The following STON2 variants were observed in gnomAD, a reference collection of about 807,000 sequenced individuals.
The protein encoded by STON2 is stonin 2.
A neutral mutation model predicts 65.7 loss-of-function variants in STON2; 29 were observed. The ratio of observed to expected loss-of-function variants is 0.44; its 90% CI spans 0.33 to 0.60. STON2 has a LOEUF of 0.60. STON2 is among the 20% of genes least tolerant of loss of function. STON2 has a pLI of 0.03. For missense variants in STON2, 1,054 were observed against 1,118.1 expected, an observed-to-expected ratio of 0.94 and a Z score of 0.82; for synonymous variants, 404 against 414.2, an observed-to-expected ratio of 0.98 and a Z score of 0.30.
chr14:81,263,469 C>T lies in STON2; in HGVS notation c.*4945G>A, dbSNP rs1481084881. 8.1e-6 allele frequency among the ~76,000 whole-genome samples: 1 copy of T among 123,838 alleles called. No individual in the cohort carries two copies. The highest frequency in any genetic ancestry group is 1.6e-5 in the Non-Finnish European group (1 of 63,024). The allele number at this position is 123,838 out of a possible 152,430, so 81.2% of individuals were successfully genotyped here. On this transcript the variant is annotated 3_prime_UTR_variant, in exon 8 of 8. Transcript: ENST00000614646. Reference sequence around the variant, plus strand: ...AGGAGAATCACTTGAACCCGGGAGGCGGAGGTTGCAGTGAGCCGATGTCGT... The same window carrying T: ...AGGAGAATCACTTGAACCCGGGAGGTGGAGGTTGCAGTGAGCCGATGTCGT...
intron 4 of STON2, among the ~76,000 whole-genome samples, chr14:81,341,457 GTT>G (rs1156390907): frequency 8.1e-6 from 1 of 123,912 alleles, no homozygotes; most frequent in East Asian, 2.6e-4. Flanking sequence ...TTTTTTTTTT[GTT>G]TTTTTTTTTT....
At chr14:81,281,010 C>CAAAAAAAAAA (rs796161809) in intron 5 of STON2, among the ~76,000 whole-genome samples, 8 of 63,046 alleles carry the variant, frequency 1.3e-4, no homozygotes, top group Non-Finnish European at 1.1e-4. Flanking sequence ...AACTCCGTCT[C>CAAAAAAAAAA]AAAAAAAAAA....
At chr14:81,296,458 T>C (rs1475458782) in intron 5 of STON2, among the ~76,000 whole-genome samples, 1 of 152,184 alleles carries the variant, frequency 6.6e-6, no homozygotes, top group Non-Finnish European at 1.5e-5. Flanking sequence ...TTGACAAACA[T>C]GCTGCCCTCC....
At chr14:81,373,966 T>A (rs11848236) in intron 3 of STON2, among the ~76,000 whole-genome samples, 6,055 of 150,452 alleles carry the variant, frequency 0.04, 457 homozygotes, top group African/African-American at 0.14. Flanking sequence ...AGTAGCCTCA[T>A]GTATCTAGGA....
chr14:81,391,518 G>A (rs1304960672), intron 3 of STON2, among the ~76,000 whole-genome samples: 2 of 152,116 alleles, frequency 1.3e-5, no homozygotes, highest in Admixed American at 6.5e-5. Context: ...TATCCTTATT[G>A]TTAAACACAA....
intron 7 of STON2, chr14:81,270,424 A>C: frequency 7.0e-7 from 1 of 1,418,892 alleles, no homozygotes; most frequent in Non-Finnish European, 9.2e-7. Flanking sequence ...TAATGACAGA[A>C]AGACATTATA....
chr14:81,303,729 GA>G (rs1896061007), intron 5 of STON2, among the ~76,000 whole-genome samples: 1 of 152,166 alleles, frequency 6.6e-6, no homozygotes, highest in African/African-American at 2.4e-5. Flanking sequence ...AACCCAAGGG[GA>G]GGTATATTTA....
chr14:81,390,863 A>G (rs1900047615), intron 3 of STON2, among the ~76,000 whole-genome samples: 1 of 152,234 alleles, frequency 6.6e-6, no homozygotes, highest in African/African-American at 2.4e-5. Context: ...CTCCCCGCAG[A>G]GGCTTTAAGG....
intron 2 of STON2, among the ~76,000 whole-genome samples, chr14:81,426,074 T>C (rs1435803366): frequency 1.3e-5 from 2 of 152,210 alleles, no homozygotes; most frequent in Non-Finnish European, 2.9e-5. Flanking sequence ...ACAGCACGAA[T>C]GTCGCACTTA....
At chr14:81,303,547 A>G (rs536824276) in intron 5 of STON2, among the ~76,000 whole-genome samples, 30 of 152,322 alleles carry the variant, frequency 2.0e-4, no homozygotes, top group African/African-American at 7.2e-4. Context: ...ATCAATAATG[A>G]CATGAGGTCA....
intron 2 of STON2, among the ~76,000 whole-genome samples, chr14:81,415,668 C>CAAAA (rs35270491): frequency 0.02 from 1,563 of 77,206 alleles, 102 homozygotes; most frequent in African/African-American, 0.075. Context: ...GACTCCATCG[C>CAAAA]AAAAAAAAAA....
At position 81,428,289 on chromosome 14, in the gene STON2, CA is replaced by C. The variant is rs1902080665; in HGVS notation, c.-309-1078del. Among the ~76,000 whole-genome samples, 3 of 150,066 alleles carry C rather than the reference CA, an allele frequency of 2.0e-5. No homozygotes were observed. In the South Asian group the frequency reaches 6.3e-4, roughly 32 times the overall value. On this transcript the variant is annotated intron_variant, in intron 1 of 8. Coordinates refer to the STON2 transcript ENST00000553821. The stretch of plus-strand genomic sequence containing the variant: ...TGTTTGGCAAGGATGGGGAAAAACA[CA>C]AAGTATTATTTTTGACAGCTCTGAG...
chr14:81,428,471 C>T (rs1215885853), intron 1 of STON2, among the ~76,000 whole-genome samples: 1 of 152,180 alleles, frequency 6.6e-6, no homozygotes, highest in Non-Finnish European at 1.5e-5. Context: ...GCCTGTAATC[C>T]CAGAACTTTG....
At chr14:81,383,576 T>G (rs1899640080) in intron 3 of STON2, among the ~76,000 whole-genome samples, 1 of 152,098 alleles carries the variant, frequency 6.6e-6, no homozygotes, top group Non-Finnish European at 1.5e-5. Context: ...AGTTGCTCCA[T>G]CACAATTTTT....
intron 5 of STON2, among the ~76,000 whole-genome samples, chr14:81,302,633 C>T (rs542520702): frequency 2.6e-5 from 4 of 152,334 alleles, no homozygotes; most frequent in South Asian, 2.1e-4. Context: ...GATTGCATGA[C>T]AAACTGATAC....
At chr14:81,269,046 C>A (rs117853183) in intron 7 of STON2, among the ~76,000 whole-genome samples, 1 of 152,030 alleles carries the variant, frequency 6.6e-6, no homozygotes, top group African/African-American at 2.4e-5. Context: ...TTACTCAGAC[C>A]GGAGTGCACT....
rs1371600045 is a variant in STON2 at position 81,276,936 on chromosome 14, A to G, written c.2546T>C (p.Val849Ala). ...GTCCGGCAGTCGGTTTATCCTCCAC[A>G]CAATGGAGTTGAAGGCATGCTCGTA... ...AKYEHAFNSI[V>A]WRINRLPDKN... Residue 849 changes from valine (V) to alanine (A), a missense_variant, in exon 6 of 8, where the codon GTG becomes GCG. Physicochemically the swap from Val to Ala is moderately conservative, Grantham distance 64. Coordinates refer to ENST00000614646, the MANE Select transcript of STON2 (RefSeq NM_001394390.1). 1 of 1,614,056 alleles carries G rather than the reference A, an allele frequency of 6.2e-7. No individual in the cohort carries two copies. The highest frequency in any genetic ancestry group is 8.5e-7 in the Non-Finnish European group (1 of 1,179,946).
intron 4 of STON2, among the ~76,000 whole-genome samples, chr14:81,349,463 T>C (rs912201143): frequency 1.4e-4 from 21 of 151,950 alleles, no homozygotes; most frequent in African/African-American, 4.4e-4. Context: ...GACATACAAA[T>C]GGCCAACAGG....
At chr14:81,270,614 GT>G in intron 7 of STON2, 55 bp downstream of exon 7, 1 of 1,614,102 alleles carries the variant, frequency 6.2e-7, no homozygotes, top group Non-Finnish European at 8.5e-7. Context: ...GAGGGGGAGG[GT>G]AGTGGGGTGA....
Sources: allele counts gnomAD v4.1 joint callset (sites outside exome capture counted in the v4.1 genomes callset), GRCh38; gene constraint gnomAD v4.1.1; transcripts MANE v1.5; gene names NCBI Gene and HGNC (gene_info 2026-07-23, HGNC 2026-07-21).